Variants in ZNF385B observed in about 807,000 individuals in gnomAD.
ZNF385B encodes the protein zinc finger protein 385B.
Under a neutral mutation model 39.2 loss-of-function variants are expected in ZNF385B, and 23 were observed. That is an observed-to-expected ratio of 0.59 (90% CI 0.42 to 0.83). The LOEUF is 0.83. ZNF385B is among the 40% of genes least tolerant of loss of function. The probability of loss-of-function intolerance (pLI) is 0.00; values close to 1 mark genes in which losing one functional copy is unlikely to be tolerated. For missense variants in ZNF385B, 552 were observed against 598.9 expected (o/e 0.92, Z 0.82); for synonymous variants, 205 against 222.6 (o/e 0.92, Z 0.70).
intron 3 of ZNF385B, among the ~76,000 whole-genome samples, chr2:179,676,991 C>T (rs1419318074): frequency 2.0e-5 from 3 of 152,132 alleles, no homozygotes; most frequent in African/African-American, 7.2e-5. Flanking sequence ...AACACACACA[C>T]GAAACACCAC....
chr2:179,520,355 A>C (rs1464539497), intron 4 of ZNF385B, among the ~76,000 whole-genome samples: 3 of 152,088 alleles, frequency 2.0e-5, no homozygotes, highest in Non-Finnish European at 4.4e-5. Context: ...TTAACTACTA[A>C]ATCTAACATA....
chr2:179,701,628 A>AT (rs1056322740), intron 3 of ZNF385B, among the ~76,000 whole-genome samples: 3 of 152,152 alleles, frequency 2.0e-5, no homozygotes, highest in Non-Finnish European at 2.9e-5. Flanking sequence ...AGTTATTTTC[A>AT]TTTTTTATTT....
intron 4 of ZNF385B, among the ~76,000 whole-genome samples, chr2:179,525,749 C>T (rs1197022449): frequency 6.6e-6 from 1 of 152,150 alleles, no homozygotes; most frequent in Non-Finnish European, 1.5e-5. Flanking sequence ...AAGGATGTGA[C>T]CATAGGGTCT....
chr2:179,456,531 T>G (rs140689265), intron 6 of ZNF385B, among the ~76,000 whole-genome samples: 44 of 152,306 alleles, frequency 2.9e-4, no homozygotes, highest in African/African-American at 1.0e-3. Flanking sequence ...ACAAAAATCT[T>G]AAATACAGTT....
intron 3 of ZNF385B, among the ~76,000 whole-genome samples, chr2:179,694,142 G>A (rs1168743691): frequency 6.6e-6 from 1 of 152,110 alleles, no homozygotes; most frequent in Non-Finnish European, 1.5e-5. Flanking sequence ...TTCTAAACAG[G>A]AGTTTACCAC....
intron 5 of ZNF385B, among the ~76,000 whole-genome samples, chr2:179,506,798 G>C (rs2057288575): frequency 6.6e-6 from 1 of 151,994 alleles, no homozygotes; most frequent in Non-Finnish European, 1.5e-5. Context: ...CTTTTTCCTA[G>C]AGAGGAAGGA....
intron 6 of ZNF385B, among the ~76,000 whole-genome samples, chr2:179,455,864 A>G (rs2050641786): frequency 7.1e-6 from 1 of 140,640 alleles, no homozygotes; most frequent in African/African-American, 2.7e-5. Flanking sequence ...TGGGAGATAG[A>G]GCGAGACTGC....
intron 1 of ZNF385B, among the ~76,000 whole-genome samples, chr2:179,777,769 GTT>G (rs71029831): frequency 4.2e-5 from 6 of 143,740 alleles, no homozygotes; most frequent in South Asian, 2.2e-4. Context: ...ATATCAAGAG[GTT>G]TTTTTTTTTT....
intron 1 of ZNF385B, among the ~76,000 whole-genome samples, chr2:179,854,692 T>A (rs1684442242): frequency 1.3e-5 from 2 of 152,158 alleles, no homozygotes; most frequent in Non-Finnish European, 1.5e-5. Context: ...TCTGTAGAAT[T>A]TTACACAATT....
intron 3 of ZNF385B, among the ~76,000 whole-genome samples, chr2:179,556,661 G>C (rs972884888): frequency 6.7e-6 from 1 of 149,162 alleles, no homozygotes; most frequent in Admixed American, 6.7e-5. Flanking sequence ...AAAAGACCTG[G>C]GGCGATGGTC....
intron 3 of ZNF385B, among the ~76,000 whole-genome samples, chr2:179,547,434 G>T (rs1187215970): frequency 6.7e-6 from 1 of 149,336 alleles, no homozygotes; most frequent in Non-Finnish European, 1.5e-5. Context: ...TTCTGCATAT[G>T]GATATTCAGT....
intron 1 of ZNF385B, among the ~76,000 whole-genome samples, chr2:179,807,538 T>C (rs1394470132): frequency 6.6e-6 from 1 of 151,828 alleles, no homozygotes; most frequent in Admixed American, 6.6e-5. Context: ...AGCCAAGATC[T>C]TACCACTGCT....
At chr2:179,488,150 T>A (rs948095807) in intron 5 of ZNF385B, among the ~76,000 whole-genome samples, 1 of 152,164 alleles carries the variant, frequency 6.6e-6, no homozygotes, top group Non-Finnish European at 1.5e-5. Flanking sequence ...TTCTTTTCTT[T>A]TCTTTTTTTT....
intron 3 of ZNF385B, among the ~76,000 whole-genome samples, chr2:179,731,602 A>C (rs573964754): frequency 2.0e-5 from 3 of 152,260 alleles, no homozygotes; most frequent in African/African-American, 4.8e-5. Context: ...TTAATTGATC[A>C]GGGTGGAGTG....
At chr2:179,492,373 C>T (rs2055333215) in intron 5 of ZNF385B, among the ~76,000 whole-genome samples, 1 of 152,146 alleles carries the variant, frequency 6.6e-6, no homozygotes. Context: ...CTATAGCTAA[C>T]TGATTCAAGT....
intron 3 of ZNF385B, among the ~76,000 whole-genome samples, chr2:179,733,578 T>A (rs538921804): frequency 2.0e-5 from 3 of 152,030 alleles, no homozygotes; most frequent in Admixed American, 2.0e-4. Context: ...GTCAGGAGAT[T>A]GAGACTATCC....
chr2:179,467,277 A>G (rs910044183), intron 6 of ZNF385B, among the ~76,000 whole-genome samples: 4 of 152,152 alleles, frequency 2.6e-5, no homozygotes, highest in Non-Finnish European at 4.4e-5. Context: ...GTTACCTAGT[A>G]TAGTATAGTA....
intron 2 of ZNF385B, 127 bp from the exon 3 acceptor site, chr2:179,769,929 GA>G (rs900523353): frequency 2.4e-6 from 2 of 846,238 alleles, no homozygotes; most frequent in Non-Finnish European, 3.6e-6. Flanking sequence ...GTTACTACTA[GA>G]AAAAAAATCA....
intron 1 of ZNF385B, among the ~76,000 whole-genome samples, chr2:179,806,998 A>T (rs367733111): frequency 7.9e-5 from 12 of 152,336 alleles, no homozygotes; most frequent in African/African-American, 2.9e-4. Flanking sequence ...AATTGGTACA[A>T]ACACTATCAG....
Sources: allele counts gnomAD v4.1 joint callset (sites outside exome capture counted in the v4.1 genomes callset), GRCh38; gene constraint gnomAD v4.1.1; transcripts MANE v1.5; gene names NCBI Gene and HGNC (gene_info 2026-07-23, HGNC 2026-07-21).